The following GPC5 variants were observed in gnomAD, a reference collection of about 807,000 sequenced individuals.
GPC5 encodes glypican 5.
GPC5 carries 47 observed loss-of-function variants against 53.9 expected under a neutral mutation model. The observed-to-expected ratio is 0.87, with a 90% CI of 0.69 to 1.11. The LOEUF is 1.11. Ranked by LOEUF, GPC5 falls within the 50% of genes most tolerant of loss-of-function variation. The probability of loss-of-function intolerance (pLI) is 0.00; values close to 1 mark genes in which losing one functional copy is unlikely to be tolerated. For synonymous variants in GPC5, 286 were observed against 263.3 expected, an observed-to-expected ratio of 1.09 and a Z score of -0.84; for missense variants, 748 against 713.1, an observed-to-expected ratio of 1.05 and a Z score of -0.56.
intron 5 of GPC5, among the ~76,000 whole-genome samples, chr13:91,775,401 C>T (rs1347800829): frequency 6.6e-6 from 1 of 152,112 alleles, no homozygotes; most frequent in Non-Finnish European, 1.5e-5. Flanking sequence ...GATTCCTAAC[C>T]TATCGATCTG....
chr13:91,846,723 C>T (rs937297126), intron 5 of GPC5, among the ~76,000 whole-genome samples: 3 of 152,238 alleles, frequency 2.0e-5, no homozygotes, highest in East Asian at 3.9e-4. Context: ...AAGCACTCTC[C>T]CATTTTCTTT....
chr13:92,430,780 G>T (rs1276481114), intron 7 of GPC5, among the ~76,000 whole-genome samples: 2 of 152,066 alleles, frequency 1.3e-5, no homozygotes, highest in Admixed American at 1.3e-4. Flanking sequence ...GGGACAATGG[G>T]AACCCAAGTC....
intron 7 of GPC5, among the ~76,000 whole-genome samples, chr13:92,749,507 T>A (rs897743570): frequency 6.6e-6 from 1 of 152,186 alleles, no homozygotes; most frequent in Non-Finnish European, 1.5e-5. Flanking sequence ...GTATTCTGTT[T>A]GATTTTTTGA....
intron 7 of GPC5, among the ~76,000 whole-genome samples, chr13:92,645,575 T>C (rs1270899726): frequency 6.6e-6 from 1 of 152,168 alleles, no homozygotes; most frequent in Non-Finnish European, 1.5e-5. Flanking sequence ...ATACAATAAG[T>C]GCATGTATGA....
chr13:92,272,875 T>A (rs986457093), intron 7 of GPC5, among the ~76,000 whole-genome samples: 1 of 152,162 alleles, frequency 6.6e-6, no homozygotes, highest in African/African-American at 2.4e-5. Flanking sequence ...CCTGATAGGA[T>A]GCTGGAGACA....
chr13:91,569,209 G>C (rs1404834260), intron 2 of GPC5, among the ~76,000 whole-genome samples: 1 of 152,120 alleles, frequency 6.6e-6, no homozygotes, highest in East Asian at 1.9e-4. Flanking sequence ...GGATATGAAA[G>C]TGTCACTTGA....
At chr13:91,720,436 T>C (rs9560843) in intron 3 of GPC5, among the ~76,000 whole-genome samples, 6,737 of 152,244 alleles carry the variant, frequency 0.044, 199 homozygotes, top group East Asian at 0.059. Context: ...ATTTGTAGTT[T>C]GAGATAACTC....
chr13:92,533,702 T>C (rs2138991274), intron 7 of GPC5, among the ~76,000 whole-genome samples: 1 of 152,172 alleles, frequency 6.6e-6, no homozygotes, highest in Non-Finnish European at 1.5e-5. Flanking sequence ...TCAGAAGAAA[T>C]ACATTCTGGT....
chr13:92,840,599 C>G (rs138927990), intron 7 of GPC5, among the ~76,000 whole-genome samples: 5 of 151,852 alleles, frequency 3.3e-5, no homozygotes, highest in Non-Finnish European at 7.4e-5. Flanking sequence ...CTGAAGAATC[C>G]CTATGAGTTT....
intron 7 of GPC5, among the ~76,000 whole-genome samples, chr13:92,597,391 T>A (rs1883917981): frequency 1.3e-5 from 2 of 152,288 alleles, no homozygotes; most frequent in East Asian, 3.9e-4. Context: ...ATACTTTAGC[T>A]ACATGATGTT....
At chr13:92,097,129 A>G (rs1409502) in intron 6 of GPC5, among the ~76,000 whole-genome samples, 3,211 of 152,322 alleles carry the variant, frequency 0.021, 121 homozygotes, top group African/African-American at 0.072. Context: ...GAAACATTTT[A>G]TGGGAAACTG....
chr13:92,386,107 A>T (rs1224829832), intron 7 of GPC5, among the ~76,000 whole-genome samples: 1 of 151,942 alleles, frequency 6.6e-6, no homozygotes, highest in African/African-American at 2.4e-5. Context: ...TTAAATTCTT[A>T]GTTCAACATA....
Position 91,724,685 on chromosome 13 carries a change from C to CA in GPC5, c.1021-3840dup, listed in dbSNP as rs200729385. Among the ~76,000 whole-genome samples the CA allele has an allele frequency of 2.8e-3, 421 of 151,476 alleles. 2 individuals carry two copies. Among genetic ancestry groups the CA allele is most frequent in the African/African-American group, 9.5e-3 (391 of 41,312 alleles). On this transcript the variant is annotated intron_variant, in intron 3 of 7. Transcript: ENST00000377067. Reference sequence around the variant, plus strand: ...GCAACATAGTGAGATCCCATCTCTACAAAAAAATAAAAGGATAAAAAATAA... The same window carrying CA: ...GCAACATAGTGAGATCCCATCTCTACAAAAAAAATAAAAGGATAAAAAATAA...
At chr13:92,056,654 TA>T (rs2041076888) in intron 6 of GPC5, among the ~76,000 whole-genome samples, 1 of 152,320 alleles carries the variant, frequency 6.6e-6, no homozygotes, top group African/African-American at 2.4e-5. Flanking sequence ...AAATGGGAAA[TA>T]AAAGGTGGTG....
chr13:92,402,960 A>G (rs1025419516), intron 7 of GPC5, among the ~76,000 whole-genome samples: 7 of 152,174 alleles, frequency 4.6e-5, no homozygotes, highest in African/African-American at 1.4e-4. Flanking sequence ...CTAAAGAAGA[A>G]TTGACTCATG....
At chr13:91,660,439 A>G (rs1264115549) in intron 2 of GPC5, among the ~76,000 whole-genome samples, 1 of 152,242 alleles carries the variant, frequency 6.6e-6, no homozygotes, top group Non-Finnish European at 1.5e-5. Context: ...GCTTGGAAGC[A>G]GATCCTCACC....
chr13:91,651,164 A>G (rs577838812), intron 2 of GPC5, among the ~76,000 whole-genome samples: 15 of 152,180 alleles, frequency 9.9e-5, no homozygotes, highest in Non-Finnish European at 2.2e-4. Flanking sequence ...AAGTACCCCA[A>G]AAATGCATGT....
chr13:91,803,969 G>T (rs1771258679), intron 5 of GPC5, among the ~76,000 whole-genome samples: 1 of 151,816 alleles, frequency 6.6e-6, no homozygotes, highest in South Asian at 2.1e-4. Flanking sequence ...CACAACAAGG[G>T]GACAGAGACA....
intron 6 of GPC5, among the ~76,000 whole-genome samples, chr13:91,959,347 C>T (rs1320402467): frequency 6.6e-6 from 1 of 151,092 alleles, no homozygotes; most frequent in African/African-American, 2.4e-5. Context: ...CACTGAATGA[C>T]AAATAGAAAA....
Sources: gnomAD v4.1 joint callset for allele counts (sites outside exome capture counted in the v4.1 genomes callset) on GRCh38, gnomAD v4.1.1 for gene constraint, MANE v1.5 for transcripts, NCBI Gene and HGNC (gene_info 2026-07-23, HGNC 2026-07-21) for gene names.